KCNT1: variants seen among roughly 807,000 people sequenced by gnomAD.
The protein encoded by KCNT1 is potassium channel subfamily T member 1.
KCNT1 carries 78 observed loss-of-function variants against 147.8 expected under a neutral mutation model. The ratio of observed to expected loss-of-function variants is 0.53; its 90% CI spans 0.44 to 0.64. The LOEUF (loss-of-function observed/expected upper bound fraction) is 0.64. KCNT1 is among the 30% of genes least tolerant of loss of function. The probability of loss-of-function intolerance (pLI) is 0.00; values close to 1 mark genes in which losing one functional copy is unlikely to be tolerated. For synonymous variants in KCNT1, 867 were observed against 748.8 expected (o/e 1.16, Z -2.58); for missense variants, 1,419 against 1,750.3 (o/e 0.81, Z 3.38).
chr9:135,753,903 G>T lies in KCNT1; in HGVS notation c.435-34G>T, dbSNP rs746232266. The T allele has an allele frequency of 6.8e-6, 11 of 1,613,254 alleles. No individual in the cohort carries two copies. In the South Asian group the frequency reaches 1.1e-4, roughly 16 times the overall value. On this transcript the variant is annotated intron_variant, in intron 4 of 30. Transcript: ENST00000371757. ...AAGTCCTTGCAGTGGTGCTAGAGGG[G>T]CCAGGGCCGGGCCAGCGCTGTGTCT...
chr9:135,786,267 C>T lies in KCNT1; in HGVS notation c.3248C>T (p.Ala1083Val), dbSNP rs1432070983. Reference protein sequence around the residue: ...REVKGPWGSRAGTGGSSQGRH... With the variant: ...REVKGPWGSRVGTGGSSQGRH... ...GTGAAGGGGCCCTGGGGCTCCCGCG[C>T]TGGCACCGGAGGCAGCTCCCAGGGC... Residue 1083 changes from alanine (A) to valine (V), a missense_variant, in exon 29 of 31, where the codon GCT becomes GTT. Physicochemically the swap from Ala to Val is moderately conservative, Grantham distance 64. This residue lies in a region of KCNT1 where 306 missense variants were observed against 294.2 expected (regional missense o/e 1.04). Transcript: ENST00000371757. 3.1e-6 allele frequency: 5 copies of T among 1,610,644 alleles called. No individual in the cohort carries two copies. The South Asian group carries it at 4.4e-5, about 14-fold the overall frequency.
Position 135,786,582 on chromosome 9 carries a change from G to A in KCNT1, c.3502+61G>A. The A allele has an allele frequency of 3.4e-6, 5 of 1,449,400 alleles. No homozygotes were observed. In the South Asian group the frequency reaches 6.7e-5, roughly 19 times the overall value. The allele number at this position is 1,449,400 out of a possible 1,614,324, so 89.8% of individuals were successfully genotyped here. ...CGGACTGGGCCAGGGTCGGGCCACA[G>A]CCAAGAACAGTCGGCCACGGCGTCC... On this transcript the variant is annotated intron_variant, in intron 29 of 30. Coordinates refer to ENST00000371757, the MANE Select transcript of KCNT1 (RefSeq NM_020822.3).
intron 2 of KCNT1, among the ~76,000 whole-genome samples, chr9:135,717,189 G>A (rs1212763802): frequency 6.7e-6 from 1 of 150,244 alleles, no homozygotes; most frequent in Non-Finnish European, 1.5e-5. Flanking sequence ...GTGTGTATAG[G>A]ATGGGAGGGA....
At chr9:135,729,636 T>G (rs1295231790) in intron 2 of KCNT1, among the ~76,000 whole-genome samples, 1 of 152,212 alleles carries the variant, frequency 6.6e-6, no homozygotes, top group African/African-American at 2.4e-5. Context: ...ACCAGGCCTC[T>G]CGTCCTGCAG....
chr9:135,750,240 C>A, intron 3 of KCNT1, 63 bp downstream of exon 3: 2 of 1,367,202 alleles, frequency 1.5e-6, no homozygotes, highest in East Asian at 2.3e-5. Context: ...CGGGAGCAAG[C>A]CTGGCGATGG....
chr9:135,759,841 C>G lies in KCNT1; in HGVS notation c.1017C>G (p.Leu339=). ...TGGTCATCATGATCTGCGTGGCCCT[C>G]GTGGTGCTCCCACTGCAGGTGGGTC... ...LLVVIMICVA[L]VVLPLQFEEL... is the part of the protein sequence containing the mutation. The change falls in exon 11 of 31, where the codon CTC becomes CTG. Residue 339 remains leucine, a synonymous_variant. Coordinates refer to ENST00000371757, the MANE Select transcript of KCNT1 (RefSeq NM_020822.3). 1.2e-6 allele frequency: 2 copies of G among 1,607,480 alleles called. No individual in the cohort carries two copies.
Position 135,768,941 on chromosome 9 carries a change from C to T in KCNT1, c.1510+4C>T, listed in dbSNP as rs554828530. 24 of 1,607,212 alleles carry T rather than the reference C, an allele frequency of 1.5e-5. No individual in the cohort carries two copies. Among genetic ancestry groups the T allele is most frequent in the African/African-American group, 8.0e-5 (6 of 74,920 alleles). On this transcript the variant is annotated splice_donor_region_variant and intron_variant, in intron 15 of 30. Transcript: ENST00000371757. ...AAGTTTCACGTCAAGTTTGCTGGTGCGTCTGGGGCACACGTGGGTGATGGT... is the reference window on the plus strand; with the variant it reads ...AAGTTTCACGTCAAGTTTGCTGGTGTGTCTGGGGCACACGTGGGTGATGGT...
chr9:135,758,383 T>C lies in KCNT1; in HGVS notation c.760-31T>C, dbSNP rs939210049. 5.2e-6 allele frequency: 8 copies of C among 1,553,040 alleles called. No individual in the cohort carries two copies. The African/African-American group carries it at 1.1e-4, about 21-fold the overall frequency. ...GGCTCCTGGCGGGGTCCACAGTCCCTGCCCGCTGACAGCCACCACTCCTTC... is the reference window on the plus strand; with the variant it reads ...GGCTCCTGGCGGGGTCCACAGTCCCCGCCCGCTGACAGCCACCACTCCTTC... On this transcript the variant is annotated intron_variant, in intron 9 of 30. Transcript: ENST00000371757.
chr9:135,745,970 G>A (rs1488446350), intron 2 of KCNT1, among the ~76,000 whole-genome samples: 3 of 152,228 alleles, frequency 2.0e-5, no homozygotes, highest in Non-Finnish European at 2.9e-5. Flanking sequence ...CAGCCGGGTC[G>A]GCCTAGAGCT....
chr9:135,719,524 G>T (rs1387264634), intron 2 of KCNT1, among the ~76,000 whole-genome samples: 5 of 152,168 alleles, frequency 3.3e-5, no homozygotes, highest in Non-Finnish European at 7.4e-5. Context: ...AGGAGTCCCA[G>T]TGGGGAGGGG....
intron 2 of KCNT1, among the ~76,000 whole-genome samples, chr9:135,747,662 G>T (rs567372602): frequency 6.6e-6 from 1 of 152,308 alleles, no homozygotes; most frequent in East Asian, 1.9e-4. Flanking sequence ...GGGGCAGGAG[G>T]AGGGGCTGAG....
chr9:135,756,545 G>A (rs1055824451), intron 6 of KCNT1, among the ~76,000 whole-genome samples: 7 of 152,280 alleles, frequency 4.6e-5, no homozygotes, highest in South Asian at 4.1e-4. Flanking sequence ...CTCCATCTCC[G>A]TTCCCTCCCC....
Position 135,730,990 on chromosome 9 carries a change from T to C in KCNT1, c.254+16270T>C, listed in dbSNP as rs1215368508. Among the ~76,000 whole-genome samples, 1 of 85,594 alleles carries C rather than the reference T, an allele frequency of 1.2e-5. No individual in the cohort carries two copies. The highest frequency in any genetic ancestry group is 1.4e-4 in the Admixed American group (1 of 7,070). The allele number at this position is 85,594 out of a possible 152,430, so 56.2% of individuals were successfully genotyped here. ...AACAAAGTGAGATCCCGTCTCAAGG[T>C]AAAAAAAAAAAAAAAAAAAAAAAGT... On this transcript the variant is annotated intron_variant, in intron 2 of 30. Coordinates refer to ENST00000371757, the MANE Select transcript of KCNT1 (RefSeq NM_020822.3). The surrounding 1 kb of genome is among the most constrained non-coding windows in gnomAD (Gnocchi z 4.7).
At chr9:135,721,163 C>G (rs1198368443) in intron 2 of KCNT1, among the ~76,000 whole-genome samples, 1 of 152,072 alleles carries the variant, frequency 6.6e-6, no homozygotes, top group East Asian at 1.9e-4. Flanking sequence ...GAAGTGGCCC[C>G]CAACGCTCTC....
intron 21 of KCNT1, 38 bp downstream of exon 21, chr9:135,777,548 G>GCCCCCCCCCCCCC: frequency 6.9e-7 from 1 of 1,453,436 alleles, no homozygotes; most frequent in Non-Finnish European, 9.3e-7. Flanking sequence ...CGCCCACCCG[G>GCCCCCCCCCCCCC]GCCCTCAGAC....
rs781375160 is a variant in KCNT1, at chr9:135,770,378, G to T, written c.1700G>T (p.Gly567Val). 4.3e-6 allele frequency: 7 copies of T among 1,613,264 alleles called. No individual in the cohort carries two copies. The South Asian group carries it at 6.6e-5, about 15-fold the overall frequency. Residue 567 changes from glycine to valine, a missense_variant, in exon 17 of 31, where the codon GGT becomes GTT. Transcript: ENST00000371757. ...AACGAGGTGTACCACATCCGCATGG[G>T]TGACAGCAAGTTCTTCCGCGAGTAC... ...SGNEVYHIRM[G>V]DSKFFREYEG...
chr9:135,758,308 G>T, intron 9 of KCNT1, 106 bp from the exon 10 acceptor site: 1 of 834,324 alleles, frequency 1.2e-6, no homozygotes, highest in Non-Finnish European at 2.0e-6. Context: ...CCGAGACGCA[G>T]GTGTGGCCGG....
intron 2 of KCNT1, among the ~76,000 whole-genome samples, chr9:135,731,509 T>C (rs1171987392): frequency 6.6e-6 from 1 of 152,212 alleles, no homozygotes; most frequent in Admixed American, 6.5e-5. Flanking sequence ...ATTCTTTCTT[T>C]GGCATTTCTT....
intron 11 of KCNT1, 33 bp from the exon 12 acceptor site, chr9:135,764,998 G>A: frequency 6.3e-7 from 1 of 1,585,828 alleles, no homozygotes; most frequent in South Asian, 1.1e-5. Flanking sequence ...CCCCAGGCCT[G>A]GTCGCTGGTG....
Sources: gnomAD v4.1 joint callset for allele counts (sites outside exome capture counted in the v4.1 genomes callset) on GRCh38, gnomAD v4.1.1 for gene constraint, gnomAD v4.1.1 regional missense constraint, Gnocchi (gnomAD v3.1) non-coding constraint, MANE v1.5 for transcripts, NCBI Gene and HGNC (gene_info 2026-07-23, HGNC 2026-07-21) for gene names.